Variants in PRKCA observed in about 807,000 individuals in gnomAD.
PRKCA encodes the protein protein kinase C alpha.
Under a neutral mutation model 87.0 loss-of-function variants are expected in PRKCA, and 27 were observed. The observed-to-expected ratio is 0.31, with a 90% CI of 0.23 to 0.43. The LOEUF is 0.43. Ranked by LOEUF, PRKCA falls within the 20% of genes least tolerant of loss-of-function variation. The probability of loss-of-function intolerance (pLI) is 1.00; values close to 1 mark genes in which losing one functional copy is unlikely to be tolerated. For missense variants in PRKCA, 518 were observed against 852.3 expected (o/e 0.61, Z 4.88); for synonymous variants, 329 against 311.1 (o/e 1.06, Z -0.61).
chr17:66,398,690 A>G (rs1291343056), intron 2 of PRKCA, among the ~76,000 whole-genome samples: 1 of 152,142 alleles, frequency 6.6e-6, no homozygotes, highest in Non-Finnish European at 1.5e-5. Flanking sequence ...GAAGAGTCGG[A>G]AGCATATGTA....
intron 2 of PRKCA, among the ~76,000 whole-genome samples, chr17:66,325,791 G>A (rs1905945352): frequency 6.6e-6 from 1 of 152,134 alleles, no homozygotes; most frequent in African/African-American, 2.4e-5. Context: ...GAGTTTATAG[G>A]ACTGCAAGCT....
chr17:66,730,867 G>A (rs542098559), intron 8 of PRKCA, among the ~76,000 whole-genome samples: 1 of 152,202 alleles, frequency 6.6e-6, no homozygotes, highest in Non-Finnish European at 1.5e-5. Flanking sequence ...AGGCATGGTG[G>A]TGCTCCAAGA....
At position 66,377,244 on chromosome 17, in the gene PRKCA, C is replaced by T. The variant is rs527282892; in HGVS notation, c.205+71117C>T. Among the ~76,000 whole-genome samples, 22 of 151,952 alleles carry T rather than the reference C, an allele frequency of 1.4e-4. 1 individual carries two copies. In the Middle Eastern group the frequency reaches 0.014, roughly 94 times the overall value. ...TTTGCCATGTTGGCCAGGCTGGGCT[C>T]GAACTCTTGACCTCAGGTGATCCTC... On this transcript the variant is annotated intron_variant, in intron 2 of 16. Transcript: ENST00000413366.
chr17:66,344,856 C>T (rs1254344176), intron 2 of PRKCA, among the ~76,000 whole-genome samples: 2 of 152,194 alleles, frequency 1.3e-5, no homozygotes, highest in Non-Finnish European at 2.9e-5. Context: ...ACTTCCACCT[C>T]CTGGGTTCGA....
chr17:66,549,049 G>A (rs921975461), intron 3 of PRKCA, among the ~76,000 whole-genome samples: 78 of 151,890 alleles, frequency 5.1e-4, no homozygotes, highest in Non-Finnish European at 1.8e-4. Flanking sequence ...CAAGTGACCC[G>A]CCTGTCTTGA....
chr17:66,724,307 A>AT (rs1420287847), intron 8 of PRKCA, among the ~76,000 whole-genome samples: 1 of 151,796 alleles, frequency 6.6e-6, no homozygotes, highest in Non-Finnish European at 1.5e-5. Context: ...AAAAAAAAAA[A>AT]AGAACTGAAC....
chr17:66,672,018 G>A (rs1474363873), intron 5 of PRKCA, among the ~76,000 whole-genome samples: 1 of 152,140 alleles, frequency 6.6e-6, no homozygotes, highest in Non-Finnish European at 1.5e-5. Context: ...ATGGTCTTAA[G>A]AGTTAAATAT....
intron 3 of PRKCA, among the ~76,000 whole-genome samples, chr17:66,547,087 T>G (rs1327796407): frequency 6.6e-6 from 1 of 152,194 alleles, no homozygotes; most frequent in Non-Finnish European, 1.5e-5. Context: ...GTTTCACCAG[T>G]TTACCTTAGC....
chr17:66,411,604 C>T (rs1050529683), intron 2 of PRKCA, among the ~76,000 whole-genome samples: 7 of 152,090 alleles, frequency 4.6e-5, no homozygotes, highest in Non-Finnish European at 8.8e-5. Context: ...CATGGTAGTA[C>T]TTAGATGCTT....
chr17:66,315,464 G>T (rs929470978), intron 2 of PRKCA, among the ~76,000 whole-genome samples: 5 of 144,520 alleles, frequency 3.5e-5, no homozygotes, highest in Non-Finnish European at 7.5e-5. Context: ...AGGTATTAAA[G>T]AATGAAGTGT....
Position 66,402,245 on chromosome 17 carries a change from A to G in PRKCA, c.206-93956A>G, listed in dbSNP as rs144879060. Among the ~76,000 whole-genome samples, 334 of 152,234 alleles carry G rather than the reference A, an allele frequency of 2.2e-3. 1 individual carries two copies. Among genetic ancestry groups the G allele is most frequent in the African/African-American group, 7.7e-3 (318 of 41,528 alleles). On this transcript the variant is annotated intron_variant, in intron 2 of 16. Transcript: ENST00000413366. The stretch of plus-strand genomic sequence containing the variant: ...TGAATAAGTTTGGCAGCGTGGAGAT[A>G]CCAGGCCGTGTGAAGATCCTTAGGA...
chr17:66,704,171 A>G (rs556366468), intron 8 of PRKCA, among the ~76,000 whole-genome samples: 1 of 152,132 alleles, frequency 6.6e-6, no homozygotes, highest in Non-Finnish European at 1.5e-5. Flanking sequence ...AAAAAAAAAA[A>G]AAAACAGGAA....
At chr17:66,673,561 C>A (rs188891421) in intron 5 of PRKCA, among the ~76,000 whole-genome samples, 1 of 152,222 alleles carries the variant, frequency 6.6e-6, no homozygotes, top group East Asian at 1.9e-4. Context: ...ATTTAGGGGT[C>A]ATTATTTCTA....
In PRKCA at chr17:66,803,818, G is replaced by C. The variant is rs1035712717; in HGVS notation, c.1855-55G>C. ...CCCCAGAGAGGGCCCTCGGAGAGCTGCTCCCGCATTGTCATGTTGACTGAC... is the reference window on the plus strand; with the variant it reads ...CCCCAGAGAGGGCCCTCGGAGAGCTCCTCCCGCATTGTCATGTTGACTGAC... On this transcript the variant is annotated intron_variant, in intron 16 of 16. Coordinates refer to ENST00000413366, the MANE Select transcript of PRKCA (RefSeq NM_002737.3). This position sits in a 1 kb window ranked among gnomAD's most constrained non-coding sequence, Gnocchi z 4.4. The C allele has an allele frequency of 1.3e-6, 2 of 1,590,816 alleles. No homozygotes were observed. The highest frequency in any genetic ancestry group is 2.7e-5 in the African/African-American group (2 of 74,690).
intron 3 of PRKCA, among the ~76,000 whole-genome samples, chr17:66,553,634 C>T (rs1968409432): frequency 6.6e-6 from 1 of 152,198 alleles, no homozygotes; most frequent in African/African-American, 2.4e-5. Flanking sequence ...GGATCACTTG[C>T]TCTGGGGAAG....
At chr17:66,645,218 G>A (rs887487027) in intron 4 of PRKCA, among the ~76,000 whole-genome samples, 165 bp from the exon 5 acceptor site, 3 of 152,298 alleles carry the variant, frequency 2.0e-5, no homozygotes, top group African/African-American at 7.2e-5. Flanking sequence ...TGAAGCCTGT[G>A]CTGTACAGGA....
At chr17:66,343,429 A>G (rs1907161375) in intron 2 of PRKCA, among the ~76,000 whole-genome samples, 1 of 151,986 alleles carries the variant, frequency 6.6e-6, no homozygotes, top group Non-Finnish European at 1.5e-5. Context: ...AGTTTCCCTC[A>G]TTTGGTTGGT....
chr17:66,737,346 G>C (rs1014247471), intron 10 of PRKCA, among the ~76,000 whole-genome samples: 4 of 151,870 alleles, frequency 2.6e-5, no homozygotes, highest in African/African-American at 9.7e-5. Context: ...CTGGGCAACA[G>C]AGCAAGACTC....
At chr17:66,608,201 A>G (rs895352821) in intron 3 of PRKCA, among the ~76,000 whole-genome samples, 5 of 152,024 alleles carry the variant, frequency 3.3e-5, no homozygotes, top group African/African-American at 7.2e-5. Flanking sequence ...GAGCACACCA[A>G]TTGGCTTTTG....
Sources: gnomAD v4.1 joint callset for allele counts (sites outside exome capture counted in the v4.1 genomes callset) on GRCh38, gnomAD v4.1.1 for gene constraint, Gnocchi (gnomAD v3.1) non-coding constraint, MANE v1.5 for transcripts, NCBI Gene and HGNC (gene_info 2026-07-23, HGNC 2026-07-21) for gene names.